The following SYT1 variants were observed in gnomAD, a reference collection of about 807,000 sequenced individuals.
SYT1 encodes the protein synaptotagmin 1.
Under a neutral mutation model 44.8 loss-of-function variants are expected in SYT1, and 8 were observed. That is an observed-to-expected ratio of 0.18 (90% CI 0.10 to 0.32). The LOEUF is 0.32. Ranked by LOEUF, SYT1 falls within the 10% of genes least tolerant of loss-of-function variation. The pLI is 1.00. For missense variants in SYT1, 286 were observed against 509.3 expected, an observed-to-expected ratio of 0.56 and a Z score of 4.22; for synonymous variants, 154 against 188.8, an observed-to-expected ratio of 0.82 and a Z score of 1.51.
chr12:78,887,364 G>A (rs1030290934), intron 1 of SYT1, among the ~76,000 whole-genome samples: 2 of 151,954 alleles, frequency 1.3e-5, no homozygotes, highest in African/African-American at 2.4e-5. Context: ...AAATGCACAT[G>A]AGTGTGGATG....
In SYT1 at chr12:79,233,425, C is replaced by T. The variant is rs141860217; in HGVS notation, c.166+15740C>T. Among the ~76,000 whole-genome samples, 87 of 152,328 alleles carry T rather than the reference C, an allele frequency of 5.7e-4. No individual in the cohort carries two copies. In the East Asian group the frequency reaches 0.015, roughly 27 times the overall value. ...GGGTACTTGTGTGAGGTTTGCTTTG[C>T]TGAGTAGCTGTTTATACGAAACTTG... On this transcript the variant is annotated intron_variant, in intron 4 of 10. Coordinates refer to ENST00000261205, the MANE Select transcript of SYT1 (RefSeq NM_005639.3).
intron 4 of SYT1, among the ~76,000 whole-genome samples, chr12:79,231,649 C>T (rs993073869): frequency 6.6e-6 from 1 of 151,858 alleles, no homozygotes; most frequent in African/African-American, 2.4e-5. Context: ...TCATATTGTT[C>T]AATGCCTTGA....
chr12:79,117,695 ATATATATATATATATAT>A (rs1879366673), intron 3 of SYT1, among the ~76,000 whole-genome samples: 8 of 86,738 alleles, frequency 9.2e-5, no homozygotes, highest in African/African-American at 3.6e-4. Flanking sequence ...ATATATATAT[ATATATATATATATATAT>A]ATAAAATAAA....
chr12:79,234,597 TTGC>T (rs1474259142), intron 4 of SYT1, among the ~76,000 whole-genome samples: 1 of 152,260 alleles, frequency 6.6e-6, no homozygotes, highest in African/African-American at 2.4e-5. Flanking sequence ...TTTCTTTTTA[TTGC>T]TGAGTAGCAT....
At chr12:78,996,058 A>G (rs1870359248) in intron 2 of SYT1, among the ~76,000 whole-genome samples, 1 of 151,858 alleles carries the variant, frequency 6.6e-6, no homozygotes, top group African/African-American at 2.4e-5. Flanking sequence ...ACCCAGGTCT[A>G]TCTCCATCCA....
chr12:79,358,734 C>G (rs907495296), intron 9 of SYT1, among the ~76,000 whole-genome samples: 4 of 152,164 alleles, frequency 2.6e-5, no homozygotes, highest in African/African-American at 7.2e-5. Context: ...TTCCTCAGCT[C>G]TAACCTGCGT....
At chr12:79,368,725 G>A (rs549527427) in intron 9 of SYT1, among the ~76,000 whole-genome samples, 21 of 151,556 alleles carry the variant, frequency 1.4e-4, no homozygotes, top group East Asian at 1.9e-4. Flanking sequence ...CATGTCCTTC[G>A]CCCACTTTTT....
At chr12:79,264,251 C>T (rs1249964306) in intron 4 of SYT1, among the ~76,000 whole-genome samples, 1 of 150,630 alleles carries the variant, frequency 6.6e-6, no homozygotes, top group Non-Finnish European at 1.5e-5. Flanking sequence ...GTGCTCTCTG[C>T]TCACTGCAAG....
chr12:78,996,679 C>T (rs961948469), intron 2 of SYT1, among the ~76,000 whole-genome samples: 5 of 152,226 alleles, frequency 3.3e-5, no homozygotes, highest in Admixed American at 1.3e-4. Context: ...TTGAGGATGC[C>T]GTGGAGTTCC....
At chr12:79,371,328 T>C (rs1883779801) in intron 9 of SYT1, among the ~76,000 whole-genome samples, 2 of 152,124 alleles carry the variant, frequency 1.3e-5, no homozygotes, top group Non-Finnish European at 2.9e-5. Context: ...CCCCAAATCA[T>C]AGAAACCTCA....
chr12:78,972,310 G>C (rs1868436096), intron 1 of SYT1, among the ~76,000 whole-genome samples: 1 of 151,890 alleles, frequency 6.6e-6, no homozygotes, highest in Non-Finnish European at 1.5e-5. Flanking sequence ...TATACGTAAG[G>C]TCAAAAACCT....
At chr12:79,052,403 C>G (rs1449981781) in intron 3 of SYT1, among the ~76,000 whole-genome samples, 2 of 152,080 alleles carry the variant, frequency 1.3e-5, no homozygotes, top group Non-Finnish European at 2.9e-5. Context: ...CATAAAAACC[C>G]TAGAAGAAAA....
chr12:78,879,213 A>G (rs752685150), intron 1 of SYT1, among the ~76,000 whole-genome samples: 14 of 151,768 alleles, frequency 9.2e-5, no homozygotes, highest in Non-Finnish European at 1.5e-4. Context: ...ATGGCTTTAT[A>G]TAGGAGGTGA....
intron 3 of SYT1, among the ~76,000 whole-genome samples, chr12:79,148,947 A>G (rs1205852140): frequency 6.6e-6 from 1 of 152,130 alleles, no homozygotes; most frequent in African/African-American, 2.4e-5. Flanking sequence ...ATATCGTTTA[A>G]ATTAGTTCTT....
intron 4 of SYT1, among the ~76,000 whole-genome samples, chr12:79,234,011 A>G (rs1876027428): frequency 6.6e-6 from 1 of 152,042 alleles, no homozygotes; most frequent in Non-Finnish European, 1.5e-5. Context: ...CACCCCACAC[A>G]ATGTATCTTA....
At chr12:78,976,595 T>C (rs960496339) in intron 1 of SYT1, 46 of 152,216 alleles carry the variant, frequency 3.0e-4, no homozygotes, top group African/African-American at 1.1e-3. Context: ...TCATTTACCT[T>C]GTAGTAGGAA....
intron 2 of SYT1, among the ~76,000 whole-genome samples, chr12:79,008,603 A>T (rs1871234644): frequency 6.6e-6 from 1 of 152,178 alleles, no homozygotes; most frequent in Non-Finnish European, 1.5e-5. Flanking sequence ...AAGTAGTTAG[A>T]TTTGGACCAC....
At chr12:79,237,049 C>T (rs148490170) in intron 4 of SYT1, among the ~76,000 whole-genome samples, 2 of 152,012 alleles carry the variant, frequency 1.3e-5, no homozygotes, top group Non-Finnish European at 2.9e-5. Flanking sequence ...GACGGGGGAA[C>T]CTGGAAGGAG....
intron 9 of SYT1, among the ~76,000 whole-genome samples, chr12:79,370,529 G>A (rs1384521883): frequency 1.3e-5 from 2 of 152,230 alleles, no homozygotes; most frequent in East Asian, 3.9e-4. Flanking sequence ...TTGGGAGGCT[G>A]AGGCGGGCGG....
Sources: allele counts gnomAD v4.1 joint callset (sites outside exome capture counted in the v4.1 genomes callset), GRCh38; gene constraint gnomAD v4.1.1; transcripts MANE v1.5; gene names NCBI Gene and HGNC (gene_info 2026-07-23, HGNC 2026-07-21).